MIPEP: variants seen among roughly 807,000 people sequenced by gnomAD.
MIPEP encodes the protein mitochondrial intermediate peptidase.
In MIPEP, 79 loss-of-function variants were observed where a neutral mutation model predicts 90.3. The observed-to-expected ratio is 0.87, with a 90% CI of 0.73 to 1.05. The LOEUF (loss-of-function observed/expected upper bound fraction) is 1.05. Among genes scored for constraint, MIPEP ranks in the 50% least tolerant of loss-of-function variants. The probability of loss-of-function intolerance (pLI) is 0.00; values close to 1 mark genes in which losing one functional copy is unlikely to be tolerated. For missense variants in MIPEP, 940 were observed against 905.6 expected (o/e 1.04, Z -0.49); for synonymous variants, 334 against 315.8 (o/e 1.06, Z -0.61).
At chr13:23,785,659 C>T (rs1952831901) in intron 16 of MIPEP, among the ~76,000 whole-genome samples, 2 of 150,080 alleles carry the variant, frequency 1.3e-5, no homozygotes, top group Admixed American at 6.6e-5. Context: ...AAGAAGTCCT[C>T]TAAAAAAAGA....
chr13:23,750,446 G>A (rs138949169), intron 18 of MIPEP, among the ~76,000 whole-genome samples: 1 of 152,326 alleles, frequency 6.6e-6, no homozygotes, highest in African/African-American at 2.4e-5. Context: ...TAGGCAGTTT[G>A]CAGAATGTCC....
chr13:23,737,321 T>C (rs1176158006), intron 18 of MIPEP, among the ~76,000 whole-genome samples: 2 of 152,152 alleles, frequency 1.3e-5, no homozygotes, highest in Non-Finnish European at 2.9e-5. Flanking sequence ...CCTCTTCCCA[T>C]CAGGGCACAA....
At chr13:23,799,638 T>C (rs1953011242) in intron 16 of MIPEP, among the ~76,000 whole-genome samples, 1 of 152,220 alleles carries the variant, frequency 6.6e-6, no homozygotes, top group African/African-American at 2.4e-5. Context: ...GGATAATTTT[T>C]AACTAATGCT....
chr13:23,888,570 G>A lies in MIPEP; in HGVS notation c.189+562C>T, dbSNP rs1390074397. The stretch of plus-strand genomic sequence containing the variant: ...AGTGACCAATTCCATGGCACTATGG[G>A]AAGTGAGACTCGTCTCAACAGAGTT... On this transcript the variant is annotated intron_variant, in intron 1 of 18. Coordinates refer to ENST00000382172, the MANE Select transcript of MIPEP (RefSeq NM_005932.4). 6 of 342,716 alleles carry A rather than the reference G, an allele frequency of 1.8e-5. No individual in the cohort carries two copies. The East Asian group carries it at 6.7e-4, about 38-fold the overall frequency. The allele number at this position is 342,716 out of a possible 1,614,324, so 21.2% of individuals were successfully genotyped here. A position where few individuals can be genotyped will look rare whatever the true frequency, so the allele number is the denominator to read the frequency against.
intron 10 of MIPEP, among the ~76,000 whole-genome samples, chr13:23,856,572 C>T (rs940230895): frequency 3.3e-5 from 5 of 152,096 alleles, no homozygotes; most frequent in Non-Finnish European, 2.9e-5. Context: ...GTGCTAACTT[C>T]CCGGTCATTG....
At chr13:23,797,826 T>C (rs1952979905) in intron 16 of MIPEP, among the ~76,000 whole-genome samples, 1 of 152,242 alleles carries the variant, frequency 6.6e-6, no homozygotes, top group African/African-American at 2.4e-5. Flanking sequence ...CGCATCAGAA[T>C]GTCTCAATCT....
In MIPEP at chr13:23,798,487, A is replaced by C. The variant is rs544049915; in HGVS notation, c.1848+7463T>G. Among the ~76,000 whole-genome samples the C allele has an allele frequency of 3.1e-4, 47 of 152,328 alleles. 1 individual carries two copies. Among genetic ancestry groups the C allele is most frequent in the Admixed American group, 2.9e-3 (44 of 15,302 alleles). On this transcript the variant is annotated intron_variant, in intron 16 of 18. Transcript: ENST00000382172. ...GTCTGCAGCACACACCTACTCAAAA[A>C]GATGGACAGGTAACCAATGTTTATA...
chr13:23,825,066 A>G (rs1483625746), intron 14 of MIPEP, among the ~76,000 whole-genome samples: 1 of 152,228 alleles, frequency 6.6e-6, no homozygotes, highest in Admixed American at 6.5e-5. Context: ...GAGGCTTGCT[A>G]AATTTTAATT....
chr13:23,768,315 CTT>C (rs565404241), intron 16 of MIPEP, among the ~76,000 whole-genome samples: 119 of 152,198 alleles, frequency 7.8e-4, no homozygotes, highest in Non-Finnish European at 1.2e-3. Context: ...TAACTTTTAA[CTT>C]TGTTTCTACC....
intron 18 of MIPEP, among the ~76,000 whole-genome samples, chr13:23,754,835 A>G (rs1344443678): frequency 6.6e-6 from 1 of 152,154 alleles, no homozygotes; most frequent in Non-Finnish European, 1.5e-5. Context: ...AATGTACCCA[A>G]TCAGTAGCTT....
chr13:23,823,783 G>C (rs1189171581), intron 14 of MIPEP, among the ~76,000 whole-genome samples: 2 of 152,202 alleles, frequency 1.3e-5, no homozygotes, highest in Non-Finnish European at 2.9e-5. Flanking sequence ...AGCTGTGATT[G>C]CACCACTGCA....
At chr13:23,760,379 T>G (rs1315245336) in intron 16 of MIPEP, among the ~76,000 whole-genome samples, 162 bp from the exon 17 acceptor site, 2 of 152,232 alleles carry the variant, frequency 1.3e-5, no homozygotes, top group Non-Finnish European at 2.9e-5. Context: ...TTTTCACATT[T>G]TATACACTGT....
At chr13:23,794,677 C>T (rs1170711812) in intron 16 of MIPEP, among the ~76,000 whole-genome samples, 4 of 151,982 alleles carry the variant, frequency 2.6e-5, no homozygotes, top group African/African-American at 9.7e-5. Flanking sequence ...AAAAAAAGGG[C>T]AGCATTATTC....
At chr13:23,771,477 A>G (rs1952649556) in intron 16 of MIPEP, among the ~76,000 whole-genome samples, 1 of 152,058 alleles carries the variant, frequency 6.6e-6, no homozygotes, top group African/African-American at 2.4e-5. Context: ...TTCAAAAATC[A>G]GTAAAATTAT....
chr13:23,737,503 A>G (rs1224743742), intron 18 of MIPEP, among the ~76,000 whole-genome samples: 1 of 152,170 alleles, frequency 6.6e-6, no homozygotes, highest in East Asian at 1.9e-4. Context: ...CTAACTATGC[A>G]TATTTCTACA....
At chr13:23,875,744 T>C (rs1871044383) in intron 4 of MIPEP, among the ~76,000 whole-genome samples, 1 of 152,140 alleles carries the variant, frequency 6.6e-6, no homozygotes, top group Non-Finnish European at 1.5e-5. Context: ...ACAAAACTAA[T>C]GCAGAAACAT....
At chr13:23,751,883 A>G (rs1952445366) in intron 18 of MIPEP, among the ~76,000 whole-genome samples, 1 of 151,986 alleles carries the variant, frequency 6.6e-6, no homozygotes, top group Non-Finnish European at 1.5e-5. Context: ...GATGTCAGGC[A>G]GGTCTCTCCA....
chr13:23,758,537 T>C (rs956024551), intron 17 of MIPEP, among the ~76,000 whole-genome samples: 1 of 152,248 alleles, frequency 6.6e-6, no homozygotes, highest in Non-Finnish European at 1.5e-5. Flanking sequence ...ATATTTTGCC[T>C]ATTTTACAGA....
chr13:23,828,992 G>A (rs540071079), intron 14 of MIPEP, among the ~76,000 whole-genome samples: 2 of 152,242 alleles, frequency 1.3e-5, no homozygotes, highest in South Asian at 4.2e-4. Flanking sequence ...TTGATATTAG[G>A]ACAGACAGCT....
Sources: gnomAD v4.1 joint callset for allele counts (sites outside exome capture counted in the v4.1 genomes callset) on GRCh38, gnomAD v4.1.1 for gene constraint, MANE v1.5 for transcripts, NCBI Gene and HGNC (gene_info 2026-07-23, HGNC 2026-07-21) for gene names.